MGAT4C: variants seen among roughly 807,000 people sequenced by gnomAD.
The protein encoded by MGAT4C is alpha-1,3-mannosyl-glycoprotein 4-beta-N-acetylglucosaminyltransferase C.
MGAT4C carries 19 observed loss-of-function variants against 40.1 expected under a neutral mutation model. That is an observed-to-expected ratio of 0.47 (90% CI 0.33 to 0.70). The LOEUF (loss-of-function observed/expected upper bound fraction) is 0.70. Ranked by LOEUF, MGAT4C falls within the 30% of genes least tolerant of loss-of-function variation. The pLI is 0.02. For synonymous variants in MGAT4C, 181 were observed against 187.1 expected (o/e 0.97, Z 0.27); for missense variants, 491 against 563.2 (o/e 0.87, Z 1.30).
At chr12:85,998,206 G>T (rs906662674) in intron 2 of MGAT4C, among the ~76,000 whole-genome samples, 5 of 152,106 alleles carry the variant, frequency 3.3e-5, no homozygotes, top group Admixed American at 6.5e-5. Flanking sequence ...AGAGTGGCTG[G>T]GATTCAGGGC....
chr12:86,491,072 A>T (rs1404053252), intron 2 of MGAT4C, among the ~76,000 whole-genome samples: 1 of 152,158 alleles, frequency 6.6e-6, no homozygotes, highest in Non-Finnish European at 1.5e-5. Flanking sequence ...CCTCATAGGC[A>T]TCTACAGAAC....
chr12:86,335,266 T>C (rs1426297645), intron 3 of MGAT4C, among the ~76,000 whole-genome samples: 3 of 152,112 alleles, frequency 2.0e-5, no homozygotes, highest in South Asian at 2.1e-4. Context: ...TCAGAACACT[T>C]GTTATTTTAT....
intron 1 of MGAT4C, among the ~76,000 whole-genome samples, chr12:86,735,150 G>A (rs1321214501): frequency 2.6e-5 from 4 of 151,922 alleles, no homozygotes; most frequent in Non-Finnish European, 5.9e-5. Context: ...CCTAATGAGT[G>A]CGAGATTAGA....
At position 86,461,483 on chromosome 12, in the gene MGAT4C, G is replaced by C. The variant is rs542153424; in HGVS notation, c.-228-26218C>G. On this transcript the variant is annotated intron_variant, in intron 2 of 7. Transcript: ENST00000548651. ...GATGGTCTCGATCTCCTGACCTCAT[G>C]ATCCACCCTCCTCGGCCTCCCAAAG... Among the ~76,000 whole-genome samples, 18 of 152,124 alleles carry C rather than the reference G, an allele frequency of 1.2e-4. No homozygotes were observed. In the South Asian group the frequency reaches 3.7e-3, roughly 32 times the overall value.
In MGAT4C at chr12:86,177,976, A is replaced by G. The variant is rs376181995; in HGVS notation, c.-57+78263T>C. ...TTTTGAGACAGAGTCTCACTCTGTCACCCAGGCTGGAGTGCAGTGGCGCGA... is the reference window on the plus strand; with the variant it reads ...TTTTGAGACAGAGTCTCACTCTGTCGCCCAGGCTGGAGTGCAGTGGCGCGA... On this transcript the variant is annotated intron_variant, in intron 1 of 4. Coordinates refer to ENST00000611864, the MANE Select transcript of MGAT4C (RefSeq NM_001351288.2). Among the ~76,000 whole-genome samples the G allele has an allele frequency of 2.3e-4, 35 of 152,192 alleles. No homozygotes were observed. The East Asian group carries it at 4.5e-3, about 19-fold the overall frequency.
intron 2 of MGAT4C, among the ~76,000 whole-genome samples, chr12:86,003,664 A>G (rs1293716982): frequency 6.6e-6 from 1 of 152,162 alleles, no homozygotes; most frequent in Non-Finnish European, 1.5e-5. Context: ...TGAAGTTTTA[A>G]TGTTTTTCTA....
At chr12:86,658,813 G>A (rs912920316) in intron 2 of MGAT4C, among the ~76,000 whole-genome samples, 1 of 152,048 alleles carries the variant, frequency 6.6e-6, no homozygotes, top group Non-Finnish European at 1.5e-5. Context: ...TTGGCCATGT[G>A]ACTTGTGTTT....
At chr12:86,028,892 A>G (rs1890484481) in intron 2 of MGAT4C, among the ~76,000 whole-genome samples, 1 of 151,896 alleles carries the variant, frequency 6.6e-6, no homozygotes, top group Admixed American at 6.6e-5. Context: ...AATTATCTAT[A>G]TTTTCACTGT....
chr12:86,342,370 C>G (rs922323719), intron 3 of MGAT4C, among the ~76,000 whole-genome samples: 1 of 152,154 alleles, frequency 6.6e-6, no homozygotes, highest in Non-Finnish European at 1.5e-5. Flanking sequence ...AAGGAGCTAT[C>G]AAGACAGTAC....
At chr12:86,601,046 T>C (rs1478159686) in intron 2 of MGAT4C, among the ~76,000 whole-genome samples, 1 of 152,148 alleles carries the variant, frequency 6.6e-6, no homozygotes, top group Non-Finnish European at 1.5e-5. Flanking sequence ...CTCGGCCCCC[T>C]CCAGAAACTG....
intron 2 of MGAT4C, among the ~76,000 whole-genome samples, chr12:86,614,641 T>A (rs868294074): frequency 1.3e-5 from 2 of 149,838 alleles, no homozygotes; most frequent in South Asian, 4.1e-4. Context: ...AACAATATAT[T>A]TGCAAAAATA....
chr12:86,547,226 G>T (rs1959198795), intron 2 of MGAT4C, among the ~76,000 whole-genome samples: 1 of 151,718 alleles, frequency 6.6e-6, no homozygotes, highest in Non-Finnish European at 1.5e-5. Flanking sequence ...TAGTAATTGT[G>T]GCCTTTGCCA....
intron 4 of MGAT4C, among the ~76,000 whole-genome samples, chr12:86,316,536 T>A (rs565536614): frequency 1.3e-5 from 2 of 152,044 alleles, no homozygotes; most frequent in Non-Finnish European, 2.9e-5. Context: ...TAGGCAGCCA[T>A]AGGAAAGAAT....
chr12:86,085,885 AAAC>A (rs1169677743), intron 1 of MGAT4C, among the ~76,000 whole-genome samples: 1 of 152,126 alleles, frequency 6.6e-6, no homozygotes, highest in Non-Finnish European at 1.5e-5. Flanking sequence ...AAAAGTCAGG[AAAC>A]AACAGATGCT....
intron 1 of MGAT4C, chr12:86,068,211 T>A (rs982284162): frequency 7.2e-5 from 11 of 152,142 alleles, no homozygotes; most frequent in Admixed American, 3.9e-4. Context: ...AACAAATAAT[T>A]ATTTGTTTGT....
intron 4 of MGAT4C, among the ~76,000 whole-genome samples, chr12:86,290,913 G>T (rs556657768): frequency 3.3e-5 from 5 of 152,186 alleles, no homozygotes; most frequent in Non-Finnish European, 4.4e-5. Context: ...AAAATAATTA[G>T]CAGATTTAAA....
intron 1 of MGAT4C, among the ~76,000 whole-genome samples, chr12:86,172,960 A>G (rs937310714): frequency 3.9e-5 from 6 of 152,170 alleles, no homozygotes; most frequent in African/African-American, 1.4e-4. Flanking sequence ...TACATTTTAA[A>G]ATACAATCAT....
intron 3 of MGAT4C, among the ~76,000 whole-genome samples, chr12:86,401,114 A>C (rs1180851336): frequency 6.6e-6 from 1 of 152,108 alleles, no homozygotes; most frequent in Non-Finnish European, 1.5e-5. Flanking sequence ...TTTGGTTAAT[A>C]ATAGTGTTTA....
intron 1 of MGAT4C, among the ~76,000 whole-genome samples, chr12:86,811,587 C>T (rs2136216439): frequency 6.6e-6 from 1 of 151,398 alleles, no homozygotes; most frequent in Non-Finnish European, 1.5e-5. Context: ...AGTGATCTGT[C>T]TGCCTCAGCC....
Sources: gnomAD v4.1 joint callset for allele counts (sites outside exome capture counted in the v4.1 genomes callset) on GRCh38, gnomAD v4.1.1 for gene constraint, MANE v1.5 for transcripts, NCBI Gene and HGNC (gene_info 2026-07-23, HGNC 2026-07-21) for gene names.